Variants in RAPGEF5 observed in about 807,000 individuals in gnomAD.
The protein encoded by RAPGEF5 is Rap guanine nucleotide exchange factor 5.
In RAPGEF5, 65 loss-of-function variants were observed where a neutral mutation model predicts 125.2. The ratio of observed to expected loss-of-function variants is 0.52; its 90% CI spans 0.43 to 0.64. RAPGEF5 has a LOEUF of 0.64. RAPGEF5 is among the 30% of genes least tolerant of loss of function. The pLI, the probability that RAPGEF5 is intolerant of heterozygous loss-of-function variation, is 0.00. For missense variants in RAPGEF5, 958 were observed against 1,048.1 expected, an observed-to-expected ratio of 0.91 and a Z score of 1.19; for synonymous variants, 391 against 385.9, an observed-to-expected ratio of 1.01 and a Z score of -0.16.
intron 9 of RAPGEF5, among the ~76,000 whole-genome samples, chr7:22,203,547 C>A (rs558995157): frequency 9.2e-5 from 14 of 152,302 alleles, no homozygotes; most frequent in Middle Eastern, 3.4e-3. Flanking sequence ...GGTGTGATGC[C>A]AGCCACGGTC....
At chr7:22,282,122 C>T (rs909572012) in intron 6 of RAPGEF5, among the ~76,000 whole-genome samples, 10 of 152,170 alleles carry the variant, frequency 6.6e-5, no homozygotes, top group African/African-American at 2.4e-4. Context: ...CCCTCTCCAG[C>T]GGACCTATTT....
intron 6 of RAPGEF5, among the ~76,000 whole-genome samples, chr7:22,272,339 T>A (rs1196645740): frequency 9.1e-5 from 9 of 99,368 alleles, no homozygotes; most frequent in African/African-American, 3.8e-4. Flanking sequence ...CAAGACTCCG[T>A]CTCAAAAAAA....
chr7:22,298,097 T>G (rs568863945), intron 5 of RAPGEF5, among the ~76,000 whole-genome samples: 4 of 152,190 alleles, frequency 2.6e-5, no homozygotes, highest in African/African-American at 9.6e-5. Context: ...TAGGGTAAAC[T>G]CCCCTTTTTC....
intron 23 of RAPGEF5, among the ~76,000 whole-genome samples, chr7:22,134,325 T>C (rs974975864): frequency 1.3e-5 from 2 of 152,228 alleles, no homozygotes; most frequent in Non-Finnish European, 2.9e-5. Flanking sequence ...TAAGTGCTTA[T>C]TTAAATTCAA....
chr7:22,147,551 A>G (rs748964167), intron 18 of RAPGEF5, among the ~76,000 whole-genome samples: 1 of 152,238 alleles, frequency 6.6e-6, no homozygotes, highest in Non-Finnish European at 1.5e-5. Flanking sequence ...GAAATAAAAA[A>G]TAGAAATTAT....
chr7:22,253,321 G>A (rs1485851080), intron 7 of RAPGEF5, among the ~76,000 whole-genome samples: 1 of 152,150 alleles, frequency 6.6e-6, no homozygotes, highest in Admixed American at 6.5e-5. Flanking sequence ...TCAGACAATC[G>A]GTGTTGGCCT....
At position 22,218,345 on chromosome 7, in the gene RAPGEF5, T is replaced by C. The variant is rs552563104; in HGVS notation, c.996+1521A>G. Among the ~76,000 whole-genome samples the C allele has an allele frequency of 3.3e-5, 5 of 152,324 alleles. No individual in the cohort carries two copies. In the South Asian group the frequency reaches 6.2e-4, roughly 19 times the overall value. ...ATGATCTCTAACTTTGGTGAAGTGGTACCCTACTGTTCTACTGTTTGATTT... is the reference window on the plus strand; with the variant it reads ...ATGATCTCTAACTTTGGTGAAGTGGCACCCTACTGTTCTACTGTTTGATTT... On this transcript the variant is annotated intron_variant, in intron 9 of 25. Transcript: ENST00000665637.
At chr7:22,162,215 CT>C (rs11325059) in intron 13 of RAPGEF5, among the ~76,000 whole-genome samples, 181 bp downstream of exon 13, 147,813 of 152,280 alleles carry the variant, frequency 0.97, 71,759 homozygotes, top group East Asian at 0.99. Flanking sequence ...ATTTCCATGA[CT>C]TTTTAGATAG....
At position 22,136,117 on chromosome 7, in the gene RAPGEF5, G is replaced by C. The variant is rs138774168; in HGVS notation, c.2337C>G (p.Ser779=). 1 of 1,608,902 alleles carries C rather than the reference G, an allele frequency of 6.2e-7. No homozygotes were observed. The highest frequency in any genetic ancestry group is 1.3e-5 in the African/African-American group (1 of 74,638). The change falls in exon 23 of 26, where the codon TCC becomes TCG. Residue 779 remains serine, a synonymous_variant. Transcript: ENST00000665637. ...CATCTCTGTAGGCTTTGTGATTTAG[G>C]GAAGGATCCTGCCGAACCAAGCAGA... ...FSELESLTDP[S]LNHKAYRDAF...
intron 20 of RAPGEF5, among the ~76,000 whole-genome samples, chr7:22,140,484 A>G (rs150112789): frequency 2.0e-5 from 3 of 152,166 alleles, no homozygotes; most frequent in Non-Finnish European, 1.5e-5. Context: ...TCCTTCATCA[A>G]AACATGTTTT....
chr7:22,337,735 A>T (rs1345635354), intron 1 of RAPGEF5, among the ~76,000 whole-genome samples: 1 of 152,202 alleles, frequency 6.6e-6, no homozygotes, highest in Non-Finnish European at 1.5e-5. Flanking sequence ...AGGTGCTTTC[A>T]GTGGGACCAT....
intron 17 of RAPGEF5, among the ~76,000 whole-genome samples, chr7:22,151,129 T>A (rs964821230): frequency 6.6e-6 from 1 of 152,202 alleles, no homozygotes; most frequent in African/African-American, 2.4e-5. Context: ...TTTGGTCATA[T>A]AAATTAGATG....
At chr7:22,221,976 G>C (rs188504014) in intron 8 of RAPGEF5, among the ~76,000 whole-genome samples, 123 of 152,330 alleles carry the variant, frequency 8.1e-4, no homozygotes, top group African/African-American at 2.7e-3. Context: ...GCCGGGTGCA[G>C]TGGCTCATGC....
At chr7:22,289,634 A>G (rs913533080) in intron 6 of RAPGEF5, among the ~76,000 whole-genome samples, 2 of 92,046 alleles carry the variant, frequency 2.2e-5, no homozygotes, top group Non-Finnish European at 4.4e-5. Flanking sequence ...AAAGTTCTAA[A>G]TATGTTTTCA....
intron 6 of RAPGEF5, among the ~76,000 whole-genome samples, chr7:22,283,649 C>G (rs1392585570): frequency 1.3e-5 from 2 of 151,998 alleles, no homozygotes; most frequent in Admixed American, 6.5e-5. Flanking sequence ...ACCCATGACT[C>G]TCAATATCCA....
rs190641550 is a variant in RAPGEF5 at position 22,167,135 on chromosome 7, A to G, written c.1218T>C (p.Asp406=). ...VQDKETETLL[D]DFLLTYTVFM... is the part of the protein sequence containing the mutation. ...AGACAGTGTACGTGAGAAGGAAGTC[A>G]TCCAGGAGGGTCTCTGCAAAGAAAA... Residue 406 remains aspartate (D), a synonymous_variant, in exon 12 of 26, where the codon GAT becomes GAC. Coordinates refer to ENST00000665637, the MANE Select transcript of RAPGEF5 (RefSeq NM_012294.5). 3.4e-3 allele frequency: 5,443 copies of G among 1,612,654 alleles called. 16 individuals carry two copies. Among genetic ancestry groups the G allele is most frequent in the Middle Eastern group, 0.012 (73 of 6,062 alleles).
chr7:22,147,159 C>G lies in RAPGEF5; in HGVS notation c.1885-140G>C, dbSNP rs1583410668. ...CACTTAATATTTTCCCTGGTCTGTT[C>G]ACCTTCAGTGAGTTACAGCCAATTT... On this transcript the variant is annotated intron_variant, in intron 18 of 25. Transcript: ENST00000665637. The G allele has an allele frequency of 3.5e-6, 4 of 1,144,096 alleles. No homozygotes were observed. The East Asian group carries it at 9.6e-5, about 28-fold the overall frequency. 70.9% of individuals were successfully genotyped at this position (1,144,096 alleles called of 1,614,324 possible).
At position 22,146,979 on chromosome 7, in the gene RAPGEF5, A is replaced by G. The variant is rs1210942282; in HGVS notation, c.1925T>C (p.Met642Thr). 1 of 1,613,556 alleles carries G rather than the reference A, an allele frequency of 6.2e-7. No individual in the cohort carries two copies. Among genetic ancestry groups the G allele is most frequent in the African/African-American group, 1.3e-5 (1 of 74,918 alleles). Residue 642 changes from methionine (M) to threonine (T), a missense_variant, in exon 19 of 26, where the codon ATG becomes ACG. Coordinates refer to ENST00000665637, the MANE Select transcript of RAPGEF5 (RefSeq NM_012294.5). ...CCAAGTGTTCATTCCCAAAATCCTC[A>G]TCGACCTTTGCTGTGATTCCTCATT... Reference protein sequence around the residue: ...AENEESQQRSMRILGMNTWDL... With the variant: ...AENEESQQRSTRILGMNTWDL...
chr7:22,180,601 ACCATG>A (rs1784644377), intron 11 of RAPGEF5, among the ~76,000 whole-genome samples: 1 of 152,164 alleles, frequency 6.6e-6, no homozygotes, highest in African/African-American at 2.4e-5. Context: ...ATACATTTAT[ACCATG>A]TTTAAATCAT....
Sources: gnomAD v4.1 joint callset for allele counts (sites outside exome capture counted in the v4.1 genomes callset) on GRCh38, gnomAD v4.1.1 for gene constraint, MANE v1.5 for transcripts, NCBI Gene and HGNC (gene_info 2026-07-23, HGNC 2026-07-21) for gene names.